Variants in SPTLC3 observed in about 807,000 individuals in gnomAD.
The protein encoded by SPTLC3 is serine palmitoyltransferase 3.
In SPTLC3, 36 loss-of-function variants were observed where a neutral mutation model predicts 59.3. The ratio of observed to expected loss-of-function variants is 0.61; its 90% CI spans 0.47 to 0.80. SPTLC3 has a LOEUF of 0.80. Among genes scored for constraint, SPTLC3 ranks in the 30% least tolerant of loss-of-function variants. The pLI is 0.00. For synonymous variants in SPTLC3, 257 were observed against 240.8 expected (o/e 1.07, Z -0.62); for missense variants, 625 against 685.1 (o/e 0.91, Z 0.98).
At chr20:13,082,030 G>T (rs914896048) in intron 4 of SPTLC3, among the ~76,000 whole-genome samples, 1 of 152,124 alleles carries the variant, frequency 6.6e-6, no homozygotes, top group Non-Finnish European at 1.5e-5. Context: ...ATTTCAACTA[G>T]CAGGCATATT....
chr20:13,140,494 T>C (rs2038355907), intron 9 of SPTLC3, among the ~76,000 whole-genome samples: 1 of 152,202 alleles, frequency 6.6e-6, no homozygotes, highest in Admixed American at 6.5e-5. Context: ...AGAGACTTCC[T>C]ATCAGGATGG....
intron 1 of SPTLC3, among the ~76,000 whole-genome samples, chr20:13,045,328 A>G (rs1043547765): frequency 2.6e-5 from 4 of 152,238 alleles, no homozygotes; most frequent in African/African-American, 9.6e-5. Context: ...AGAACAAGCC[A>G]AAGTGTATTA....
chr20:13,106,316 G>C (rs1458982780), intron 6 of SPTLC3, among the ~76,000 whole-genome samples: 1 of 152,146 alleles, frequency 6.6e-6, no homozygotes, highest in Non-Finnish European at 1.5e-5. Flanking sequence ...GGGCGAGAAG[G>C]ATGAGGACGA....
chr20:13,142,977 G>T (rs1600374392), intron 9 of SPTLC3, among the ~76,000 whole-genome samples: 2 of 152,110 alleles, frequency 1.3e-5, no homozygotes, highest in South Asian at 4.1e-4. Context: ...CCTAATCAGG[G>T]CTCTCTTAAT....
At chr20:13,058,004 A>C (rs547685698) in intron 2 of SPTLC3, among the ~76,000 whole-genome samples, 66 of 152,330 alleles carry the variant, frequency 4.3e-4, no homozygotes, top group Admixed American at 9.8e-4. Flanking sequence ...CAAGTTCTGC[A>C]AAATCCGATA....
intron 1 of SPTLC3, among the ~76,000 whole-genome samples, chr20:13,019,409 C>G (rs360526): frequency 0.89 from 135,082 of 152,228 alleles, 60,132 homozygotes; most frequent in South Asian, 0.95. Context: ...GTCCTAAGTA[C>G]AGTGCTATTT....
At chr20:13,042,898 G>A (rs1987054720) in intron 1 of SPTLC3, among the ~76,000 whole-genome samples, 1 of 152,118 alleles carries the variant, frequency 6.6e-6, no homozygotes, top group African/African-American at 2.4e-5. Flanking sequence ...ATTTTTACCA[G>A]TTATGCTTTA....
chr20:13,069,609 C>T (rs1988364266), intron 2 of SPTLC3, among the ~76,000 whole-genome samples: 1 of 152,034 alleles, frequency 6.6e-6, no homozygotes, highest in Non-Finnish European at 1.5e-5. Flanking sequence ...TGGTAATGCT[C>T]GCTCACCCGC....
At chr20:13,158,432 C>T (rs569262427) in intron 10 of SPTLC3, among the ~76,000 whole-genome samples, 2 of 152,298 alleles carry the variant, frequency 1.3e-5, no homozygotes, top group East Asian at 3.9e-4. Context: ...GCAAAACGTG[C>T]TTCCTTTGGC....
At chr20:13,130,934 A>G (rs774105681) in intron 9 of SPTLC3, among the ~76,000 whole-genome samples, 4 of 152,230 alleles carry the variant, frequency 2.6e-5, no homozygotes, top group Non-Finnish European at 4.4e-5. Flanking sequence ...TATGCTAAAT[A>G]AGATCATGAG....
chr20:13,123,046 C>T (rs1209794619), intron 8 of SPTLC3, among the ~76,000 whole-genome samples: 2 of 152,172 alleles, frequency 1.3e-5, no homozygotes, highest in Non-Finnish European at 2.9e-5. Flanking sequence ...ATTAACAATA[C>T]TCGGCCAGGC....
At chr20:13,159,931 T>G (rs2038858696) in intron 10 of SPTLC3, 72 bp from the exon 11 acceptor site, 2 of 1,446,896 alleles carry the variant, frequency 1.4e-6, no homozygotes, top group South Asian at 3.2e-5. Context: ...GCCATATTCC[T>G]TTTTTGTCAG....
intron 1 of SPTLC3, among the ~76,000 whole-genome samples, chr20:13,013,673 G>T (rs1033319911): frequency 6.6e-6 from 1 of 152,150 alleles, no homozygotes; most frequent in East Asian, 1.9e-4. Flanking sequence ...CAGTCATTAA[G>T]ATGAAAATAT....
At chr20:13,136,444 A>C (rs959772934) in intron 9 of SPTLC3, among the ~76,000 whole-genome samples, 1 of 151,748 alleles carries the variant, frequency 6.6e-6, no homozygotes, top group Non-Finnish European at 1.5e-5. Flanking sequence ...CAAAACATAC[A>C]AAAAAATTAG....
At chr20:13,118,287 C>CA (rs754467366) in intron 8 of SPTLC3, among the ~76,000 whole-genome samples, 2 of 150,954 alleles carry the variant, frequency 1.3e-5, no homozygotes, top group Admixed American at 6.6e-5. Flanking sequence ...ATATTCTCTG[C>CA]AAAAAAAATT....
intron 1 of SPTLC3, among the ~76,000 whole-genome samples, chr20:13,011,352 T>C (rs1985237107): frequency 6.6e-6 from 1 of 152,162 alleles, no homozygotes; most frequent in African/African-American, 2.4e-5. Flanking sequence ...GCTGCTGGTC[T>C]CCCAAACACG....
chr20:13,082,816 C>T (rs1988883708), intron 4 of SPTLC3, among the ~76,000 whole-genome samples: 1 of 152,152 alleles, frequency 6.6e-6, no homozygotes, highest in African/African-American at 2.4e-5. Context: ...CTCACTAGAG[C>T]CAAATATATT....
chr20:13,110,283 G>A, intron 7 of SPTLC3, 66 bp downstream of exon 7: 2 of 1,353,812 alleles, frequency 1.5e-6, no homozygotes, highest in South Asian at 1.3e-5. Flanking sequence ...GTGCGGAAAG[G>A]CTCACCTTTC....
intron 4 of SPTLC3, among the ~76,000 whole-genome samples, chr20:13,076,373 A>T (rs1263161809): frequency 6.6e-6 from 1 of 152,242 alleles, no homozygotes; most frequent in African/African-American, 2.4e-5. Context: ...TTAACAGTAC[A>T]AATGGGTTAA....
Sources: allele counts gnomAD v4.1 joint callset (sites outside exome capture counted in the v4.1 genomes callset), GRCh38; gene constraint gnomAD v4.1.1; transcripts MANE v1.5; gene names NCBI Gene and HGNC (gene_info 2026-07-23, HGNC 2026-07-21).